The following CST8 variants were observed in gnomAD, a reference collection of about 807,000 sequenced individuals.
CST8 encodes the protein cystatin-8.
CST8 carries 20 observed loss-of-function variants against 11.8 expected under a neutral mutation model. The observed-to-expected ratio is 1.70, with a 90% CI of 1.20 to 2.47. CST8 has a LOEUF of 2.47. Ranked by LOEUF, CST8 falls within the 30% of genes most tolerant of loss-of-function variation. The pLI is 0.00. For synonymous variants in CST8, 77 were observed against 63.1 expected (o/e 1.22, Z -1.05); for missense variants, 196 against 167.2 (o/e 1.17, Z -0.95).
chr20:23,493,605 G>A (rs143351264), intron 3 of CST8, among the ~76,000 whole-genome samples: 4,147 of 152,302 alleles, frequency 0.027, 86 homozygotes, highest in African/African-American at 0.055. Flanking sequence ...TTTTGCTGGG[G>A]TCAGTCCAGG....
At chr20:23,497,491 C>T (rs954763453), downstream of CST8, among the ~76,000 whole-genome samples, 1 of 152,170 alleles carries the variant, frequency 6.6e-6, no homozygotes, top group Non-Finnish European at 1.5e-5. Flanking sequence ...AACTAGTAGC[C>T]CTCCCCTGTG....
the CST8 span, among the ~76,000 whole-genome samples, chr20:23,503,778 G>A: frequency 6.6e-6 from 1 of 152,182 alleles, no homozygotes; most frequent in Non-Finnish European, 1.5e-5. Context: ...TGAGGACTGC[G>A]CCCCGCCACT....
intron 2 of CST8, 136 bp downstream of exon 2, chr20:23,492,034 T>TG: frequency 1.5e-6 from 1 of 662,638 alleles, no homozygotes; most frequent in Non-Finnish European, 2.6e-6. Context: ...GCCTAGACAC[T>TG]TCCACAGCAT....
In CST8 at chr20:23,493,071, G is replaced by T; in HGVS notation, c.345G>T (p.Arg115Ser). The change falls in exon 3 of 4, where the codon AGG (arginine) becomes AGT (serine). Residue 115 changes from arginine to serine, a missense_variant and splice_region_variant. Arg to Ser is a moderately radical substitution (Grantham distance 110). Transcript: ENST00000246012. ...CAIQENSKLK[R>S]KLSCSFLVGA... ...TTCAAGAAAACTCCAAGCTGAAAAG[G>T]GTAGGTGATGAACCACTCATCTGTG... The T allele has an allele frequency of 1.3e-6, 2 of 1,571,220 alleles. No homozygotes were observed. The highest frequency in any genetic ancestry group is 1.8e-6 in the Non-Finnish European group (2 of 1,141,534).
chr20:23,497,935 G>A (rs1255692605), downstream of CST8, among the ~76,000 whole-genome samples: 1 of 152,074 alleles, frequency 6.6e-6, no homozygotes, highest in Non-Finnish European at 1.5e-5. Context: ...AATCTTGAAG[G>A]ATAAGCTGTG....
downstream of CST8, among the ~76,000 whole-genome samples, chr20:23,500,556 C>T (rs1346551136): frequency 1.3e-5 from 2 of 152,052 alleles, no homozygotes; most frequent in South Asian, 2.1e-4. Context: ...GTCCCATGTG[C>T]GTCCTAGGAG....
At chr20:23,506,601 ATTTT>A in the CST8 span, among the ~76,000 whole-genome samples, 1 of 150,862 alleles carries the variant, frequency 6.6e-6, no homozygotes, top group Non-Finnish European at 1.5e-5. Context: ...TATCACACAG[ATTTT>A]TTTTTTCTGT....
chr20:23,497,749 T>G (rs905160447), downstream of CST8, among the ~76,000 whole-genome samples: 1 of 152,182 alleles, frequency 6.6e-6, no homozygotes, highest in Non-Finnish European at 1.5e-5. Flanking sequence ...CATCAGATCT[T>G]GTGAGACTTA....
rs1021872357 is a variant in CST8 at position 23,491,302 on chromosome 20, A to G, written c.-184A>G. On this transcript the variant is annotated 5_prime_UTR_variant, in exon 1 of 4. In the 5' UTR this introduces an upstream ATG that the reference lacks. Coordinates refer to ENST00000246012, the MANE Select transcript of CST8 (RefSeq NM_005492.4). ...GCCACAGTTTTCATGATCACATCATACAGGACTGAGAAGCAGATAACAAGA... is the reference window on the plus strand; with the variant it reads ...GCCACAGTTTTCATGATCACATCATGCAGGACTGAGAAGCAGATAACAAGA... 2 of 261,398 alleles carry G rather than the reference A, an allele frequency of 7.7e-6. No individual in the cohort carries two copies. Among genetic ancestry groups the G allele is most frequent in the South Asian group, 5.5e-5 (1 of 18,164 alleles). The allele number at this position is 261,398 out of a possible 1,614,324, so 16.2% of individuals were successfully genotyped here.
At chr20:23,494,259 G>A (rs1568655989) in intron 3 of CST8, among the ~76,000 whole-genome samples, 1 of 152,140 alleles carries the variant, frequency 6.6e-6, no homozygotes, top group Non-Finnish European at 1.5e-5. Context: ...AGGGATTGTA[G>A]AAAAGTTTTT....
intron 3 of CST8, among the ~76,000 whole-genome samples, chr20:23,494,666 TTCATTAATCTGTCACATACACA>T: frequency 6.6e-6 from 1 of 152,336 alleles, no homozygotes; most frequent in East Asian, 1.9e-4. Flanking sequence ...CATCCATCCA[TTCATTAATCTGTCACATACACA>T]TAGGATATTT....
chr20:23,501,742 A>T, the CST8 span, among the ~76,000 whole-genome samples: 2 of 152,228 alleles, frequency 1.3e-5, no homozygotes, highest in Non-Finnish European at 2.9e-5. Flanking sequence ...CCATTACCAG[A>T]TAGGAACATT....
downstream of CST8, among the ~76,000 whole-genome samples, chr20:23,500,105 C>T (rs984991923): frequency 1.3e-5 from 2 of 151,822 alleles, no homozygotes; most frequent in Non-Finnish European, 2.9e-5. Flanking sequence ...CATTTTAACA[C>T]TCAATCTTAC....
At chr20:23,501,850 T>G in the CST8 span, among the ~76,000 whole-genome samples, 1 of 152,306 alleles carries the variant, frequency 6.6e-6, no homozygotes, top group South Asian at 2.1e-4. Flanking sequence ...CTCCTTCAGA[T>G]TCCTTGTTTT....
At chr20:23,494,062 GAA>G (rs1987969045) in intron 3 of CST8, among the ~76,000 whole-genome samples, 1 of 152,136 alleles carries the variant, frequency 6.6e-6, no homozygotes, top group Non-Finnish European at 1.5e-5. Flanking sequence ...TATGTTTGAT[GAA>G]AACTGCCTCT....
chr20:23,502,628 C>T, the CST8 span, among the ~76,000 whole-genome samples: 2 of 152,144 alleles, frequency 1.3e-5, no homozygotes, highest in Non-Finnish European at 2.9e-5. Flanking sequence ...TTCTTACACC[C>T]AAACCTTCAC....
intron 3 of CST8, among the ~76,000 whole-genome samples, 158 bp downstream of exon 3, chr20:23,493,229 A>G (rs889585190): frequency 6.6e-6 from 1 of 152,152 alleles, no homozygotes; most frequent in African/African-American, 2.4e-5. Flanking sequence ...ATCCAGGGCC[A>G]CGGAACGTGG....
the CST8 span, among the ~76,000 whole-genome samples, chr20:23,504,762 G>T: frequency 6.6e-6 from 1 of 152,098 alleles, no homozygotes; most frequent in African/African-American, 2.4e-5. Flanking sequence ...AACTTTTATT[G>T]ATGGAACAAA....
downstream of CST8, among the ~76,000 whole-genome samples, chr20:23,497,521 G>T (rs1214762687): frequency 6.6e-6 from 1 of 152,218 alleles, no homozygotes; most frequent in Non-Finnish European, 1.5e-5. Context: ...TAAATTGGGG[G>T]ATTTGTGTTT....
Sources: gnomAD v4.1 joint callset for allele counts (sites outside exome capture counted in the v4.1 genomes callset) on GRCh38, gnomAD v4.1.1 for gene constraint, MANE v1.5 for transcripts, NCBI Gene and HGNC (gene_info 2026-07-23, HGNC 2026-07-21) for gene names.